PMM2: variants seen among roughly 807,000 people sequenced by gnomAD.
The protein encoded by PMM2 is phosphomannomutase 2.
Under a neutral mutation model 33.2 loss-of-function variants are expected in PMM2, and 35 were observed. That is an observed-to-expected ratio of 1.06 (90% CI 0.81 to 1.40). The LOEUF (loss-of-function observed/expected upper bound fraction) is 1.40, where lower values mean the gene tolerates loss of function less well. Ranked by LOEUF, PMM2 falls within the 40% of genes most tolerant of loss-of-function variation. The probability of loss-of-function intolerance (pLI) is 0.00; values close to 1 mark genes in which losing one functional copy is unlikely to be tolerated. For missense variants in PMM2, 386 were observed against 306.0 expected, an observed-to-expected ratio of 1.26 and a Z score of -1.95; for synonymous variants, 153 against 114.7, an observed-to-expected ratio of 1.33 and a Z score of -2.13.
At chr16:8,831,534 CAAAAAT>C (rs1439318892) in intron 7 of PMM2, among the ~76,000 whole-genome samples, 1 of 152,114 alleles carries the variant, frequency 6.6e-6, no homozygotes. Flanking sequence ...GACCCTGTCT[CAAAAAT>C]AAATAAGAGT....
At chr16:8,837,340 T>C (rs949605013) in intron 7 of PMM2, among the ~76,000 whole-genome samples, 5 of 151,988 alleles carry the variant, frequency 3.3e-5, no homozygotes, top group African/African-American at 1.2e-4. Flanking sequence ...GTCGAGTTTG[T>C]ATTGGGGTCA....
chr16:8,845,625 C>T (rs1397380362), intron 7 of PMM2, among the ~76,000 whole-genome samples: 4 of 151,628 alleles, frequency 2.6e-5, no homozygotes, highest in Non-Finnish European at 5.9e-5. Flanking sequence ...GTTGCCCAGG[C>T]TGAAGTACAG....
chr16:8,842,414 T>G (rs1475007855), intron 7 of PMM2: 2 of 152,180 alleles, frequency 1.3e-5, no homozygotes, highest in Non-Finnish European at 2.9e-5. Flanking sequence ...AAGTAGATCA[T>G]GAGAAAGAGC....
intron 7 of PMM2, chr16:8,832,805 C>T (rs1031521007): frequency 1.2e-5 from 12 of 985,312 alleles, no homozygotes; most frequent in African/African-American, 3.5e-5. Context: ...CCGGCCCCAG[C>T]CCCTGCCCAT....
chr16:8,820,255 A>T (rs1192603883), intron 7 of PMM2, among the ~76,000 whole-genome samples: 3 of 152,048 alleles, frequency 2.0e-5, no homozygotes, highest in East Asian at 1.9e-4. Flanking sequence ...AGTGTGGACC[A>T]TGTTGACCCA....
intron 7 of PMM2, among the ~76,000 whole-genome samples, chr16:8,827,877 TATATA>T (rs1345628566): frequency 3.7e-5 from 3 of 81,940 alleles, no homozygotes; most frequent in African/African-American, 9.2e-5. Context: ...ATATATATGT[TATATA>T]ATATATGATA....
chr16:8,849,255 C>G lies in PMM2; in HGVS notation c.*1430C>G, dbSNP rs1355061162. The G allele has an allele frequency of 2.0e-5, 3 of 152,304 alleles. No homozygotes were observed. Among genetic ancestry groups the G allele is most frequent in the Non-Finnish European group, 4.4e-5 (3 of 68,074 alleles). 9.4% of individuals were successfully genotyped at this position (152,304 alleles called of 1,614,324 possible). A position where few individuals can be genotyped will look rare whatever the true frequency, so the allele number is the denominator to read the frequency against. ...ACAGGACACAGCCATCCAGCGGCAT[C>G]TTTCCTTGTCGAATGATACTGTAAT... On this transcript the variant is annotated 3_prime_UTR_variant, in exon 8 of 8. Coordinates refer to ENST00000268261, the MANE Select transcript of PMM2 (RefSeq NM_000303.3).
Position 8,816,052 on chromosome 16 carries a change from G to C in PMM2, c.639+2946G>C, listed in dbSNP as rs115737334. Among the ~76,000 whole-genome samples, 816 of 152,160 alleles carry C rather than the reference G, an allele frequency of 5.4e-3. 4 individuals are homozygous for C. Among genetic ancestry groups the C allele is most frequent in the African/African-American group, 0.019 (770 of 41,524 alleles). ...ATGGCCAGTGGGTATATAAAAAAAG[G>C]CTCAACATCAGTGTTCAGGGAAATG... On this transcript the variant is annotated intron_variant, in intron 7 of 7. Transcript: ENST00000268261.
chr16:8,846,412 T>A (rs1453713307), intron 7 of PMM2, among the ~76,000 whole-genome samples: 1 of 152,074 alleles, frequency 6.6e-6, no homozygotes, highest in Admixed American at 6.6e-5. Flanking sequence ...AGGTTTTGAG[T>A]TAGAGTGATT....
chr16:8,826,743 A>G (rs779771988), intron 7 of PMM2, among the ~76,000 whole-genome samples: 56 of 152,206 alleles, frequency 3.7e-4, no homozygotes, highest in Non-Finnish European at 8.8e-5. Flanking sequence ...TTATAAATAT[A>G]TAGACCGAAG....
In PMM2 at chr16:8,801,928, A is replaced by G. The variant is rs2060619012; in HGVS notation, c.178+18A>G. On this transcript the variant is annotated intron_variant, in intron 2 of 7. Coordinates refer to ENST00000268261, the MANE Select transcript of PMM2 (RefSeq NM_000303.3). ...AAATGATGGTAAATGATGGGTTGCT[A>G]ATTACATCTGGTAAAAGATTAACTT... is the stretch of plus-strand genomic sequence containing the variant. 1 of 1,461,160 alleles carries G rather than the reference A, an allele frequency of 6.8e-7. No individual in the cohort carries two copies. The highest frequency in any genetic ancestry group is 9.6e-7 in the Non-Finnish European group (1 of 1,043,686). The allele number at this position is 1,461,160 out of a possible 1,614,324, so 90.5% of individuals were successfully genotyped here.
At chr16:8,844,597 G>T (rs747736091) in intron 7 of PMM2, among the ~76,000 whole-genome samples, 1 of 152,242 alleles carries the variant, frequency 6.6e-6, no homozygotes, top group Non-Finnish European at 1.5e-5. Context: ...AAGGGTTATG[G>T]ACCAAGGCAG....
At chr16:8,832,407 C>T (rs542343747) in intron 7 of PMM2, 17 of 985,362 alleles carry the variant, frequency 1.7e-5, no homozygotes, top group Admixed American at 6.1e-5. Context: ...TAAGTGTCAG[C>T]GAGTTACATG....
chr16:8,812,107 G>C (rs1282825176), intron 6 of PMM2, among the ~76,000 whole-genome samples: 1 of 152,196 alleles, frequency 6.6e-6, no homozygotes, highest in African/African-American at 2.4e-5. Context: ...AAACTAGACC[G>C]ATGTTTTGGA....
Position 8,847,773 on chromosome 16 carries a change from C to G in PMM2, c.689C>G (p.Ser230Cys), listed in dbSNP as rs1385441888. ...IFTDPRTMGYSVTAPEDTRRI... is the reference protein window; with the variant it reads ...IFTDPRTMGYCVTAPEDTRRI... ...ACAGACCCCAGAACCATGGGCTACT[C>G]CGTGACAGCGCCTGAGGACACGCGC... Residue 230 changes from serine (S) to cysteine (C), a missense_variant, in exon 8 of 8, where the codon TCC (serine) becomes TGC (cysteine). By Grantham distance (112) the Ser-to-Cys change is moderately radical. Coordinates refer to ENST00000268261, the MANE Select transcript of PMM2 (RefSeq NM_000303.3). 1.9e-6 allele frequency: 3 copies of G among 1,614,064 alleles called. No individual in the cohort carries two copies. Among genetic ancestry groups the G allele is most frequent in the Non-Finnish European group, 2.5e-6 (3 of 1,179,968 alleles).
chr16:8,828,785 A>T (rs2060792825), intron 7 of PMM2, among the ~76,000 whole-genome samples: 4 of 152,176 alleles, frequency 2.6e-5, no homozygotes, highest in Admixed American at 1.3e-4. Flanking sequence ...ATGACAGAGG[A>T]TGCAGCTGTG....
intron 7 of PMM2, among the ~76,000 whole-genome samples, chr16:8,838,242 C>G (rs1596503613): frequency 6.6e-6 from 1 of 151,986 alleles, no homozygotes; most frequent in South Asian, 2.1e-4. Context: ...GTACATTGAT[C>G]AGTTCGGGTG....
At chr16:8,829,689 T>C (rs568113530) in intron 7 of PMM2, among the ~76,000 whole-genome samples, 1 of 152,162 alleles carries the variant, frequency 6.6e-6, no homozygotes, top group East Asian at 1.9e-4. Flanking sequence ...GAAGAGCGGA[T>C]GGTCACCCTC....
At chr16:8,828,929 A>G (rs928996692) in intron 7 of PMM2, among the ~76,000 whole-genome samples, 5 of 152,152 alleles carry the variant, frequency 3.3e-5, no homozygotes, top group Non-Finnish European at 5.9e-5. Context: ...AGGAGAGAGG[A>G]TGTGTGATTC....
Sources: gnomAD v4.1 joint callset for allele counts (sites outside exome capture counted in the v4.1 genomes callset) on GRCh38, gnomAD v4.1.1 for gene constraint, MANE v1.5 for transcripts, NCBI Gene and HGNC (gene_info 2026-07-23, HGNC 2026-07-21) for gene names.